The following YLPM1 variants were observed in gnomAD, a reference collection of about 807,000 sequenced individuals.
YLPM1 encodes YLP motif containing 1, also known as YLP motif-containing protein 1.
A neutral mutation model predicts 230.0 loss-of-function variants in YLPM1; 99 were observed. The observed-to-expected ratio is 0.43, with a 90% CI of 0.37 to 0.51. The LOEUF is 0.51. Among genes scored for constraint, YLPM1 ranks in the 20% least tolerant of loss-of-function variants. YLPM1 has a pLI of 0.00. For missense variants in YLPM1, 2,592 were observed against 2,707.7 expected, an observed-to-expected ratio of 0.96 and a Z score of 0.95; for synonymous variants, 984 against 942.5, an observed-to-expected ratio of 1.04 and a Z score of -0.81.
chr14:74,779,040 C>T (rs1190766836), intron 2 of YLPM1, among the ~76,000 whole-genome samples: 2 of 152,080 alleles, frequency 1.3e-5, no homozygotes, highest in East Asian at 3.8e-4. Context: ...TGGGGTTTCA[C>T]CATGTTGGCC....
At chr14:74,765,092 T>C (rs561962763) in intron 1 of YLPM1, among the ~76,000 whole-genome samples, 1 of 151,918 alleles carries the variant, frequency 6.6e-6, no homozygotes, top group African/African-American at 2.4e-5. Context: ...CCTTGCAATT[T>C]GGCCAACGTA....
Position 74,782,084 on chromosome 14 carries a change from C to G in YLPM1, c.2041C>G (p.Pro681Ala), listed in dbSNP as rs1457040000. The G allele has an allele frequency of 1.2e-6, 2 of 1,613,998 alleles. No individual in the cohort carries two copies. Among genetic ancestry groups the G allele is most frequent in the Non-Finnish European group, 1.7e-6 (2 of 1,179,896 alleles). Residue 681 changes from proline (P) to alanine (A), a missense_variant, in exon 4 of 21, where the codon CCA becomes GCA. By Grantham distance (27) the Pro-to-Ala change is conservative (BLOSUM62 -1). Transcript: ENST00000325680. ...LPTPVSFGSA[P>A]PTTYHPPLQS... is the part of the protein sequence containing the mutation. ...TACTCCTGTGTCTTTTGGTTCTGCC[C>G]CACCGACAACTTACCATCCTCCGTT...
chr14:74,833,588 T>C (rs2091623489), intron 19 of YLPM1, among the ~76,000 whole-genome samples: 1 of 152,340 alleles, frequency 6.6e-6, no homozygotes, highest in African/African-American at 2.4e-5. Context: ...TACTTCAGCA[T>C]TGATGAGCAG....
At chr14:74,833,580 C>T (rs980339861) in intron 19 of YLPM1, among the ~76,000 whole-genome samples, 2 of 152,162 alleles carry the variant, frequency 1.3e-5, no homozygotes, top group Admixed American at 6.5e-5. Flanking sequence ...AAAATAGGTA[C>T]TTCAGCATTG....
At chr14:74,769,564 G>A (rs1367379406) in intron 1 of YLPM1, among the ~76,000 whole-genome samples, 2 of 151,604 alleles carry the variant, frequency 1.3e-5, no homozygotes, top group African/African-American at 4.9e-5. Flanking sequence ...TGGGGTTACA[G>A]GTGTGAGTCA....
intron 1 of YLPM1, among the ~76,000 whole-genome samples, chr14:74,774,340 C>T (rs1354136662): frequency 1.3e-5 from 2 of 152,178 alleles, no homozygotes; most frequent in Admixed American, 6.5e-5. Flanking sequence ...TCAAGCGAGT[C>T]TCCCGTCTCA....
intron 4 of YLPM1, among the ~76,000 whole-genome samples, chr14:74,795,098 T>G (rs2091246663): frequency 6.6e-6 from 1 of 152,234 alleles, no homozygotes; most frequent in Non-Finnish European, 1.5e-5. Context: ...TACTAAGAGA[T>G]GTCCTAGAGG....
At position 74,799,281 on chromosome 14, in the gene YLPM1, T is replaced by TCCATCTCTTCCACCTTTACCGCCCCTC. The variant is rs2091299758; in HGVS notation, c.3988_4014dup (p.Ser1330_Pro1338dup). 1 of 1,613,860 alleles carries TCCATCTCTTCCACCTTTACCGCCCCTC rather than the reference T, an allele frequency of 6.2e-7. No homozygotes were observed. Among genetic ancestry groups the TCCATCTCTTCCACCTTTACCGCCCCTC allele is most frequent in the African/African-American group, 1.3e-5 (1 of 74,910 alleles). ...AATCACAGTTTCGTGAACGGGATAT[T>TCCATCTCTTCCACCTTTACCGCCCCTC]CCATCTCTTCCACCTTTACCGCCCC... On this transcript the variant is annotated inframe_insertion, in exon 5 of 21. Coordinates refer to ENST00000325680, the MANE Select transcript of YLPM1 (RefSeq NM_019589.3).
At position 74,778,521 on chromosome 14, in the gene YLPM1, CA is replaced by C; in HGVS notation, c.953del (p.Lys318ArgfsTer5). ...GGACAAAAGTTCATTTGCCAGGACA[CA>C]AAAAGGGTCCTGTGGTAGCAAAGGA... Reference protein sequence around the residue: ...QRTKVHLPGHKKGPVVAKDTP... With the variant: ...QRTKVHLPGHXKGPVVAKDTP... On this transcript the variant is annotated frameshift_variant, in exon 2 of 21. Coordinates refer to ENST00000325680, the MANE Select transcript of YLPM1 (RefSeq NM_019589.3). LOFTEE classifies it high-confidence loss of function. 1.2e-6 allele frequency: 2 copies of C among 1,607,868 alleles called. No individual in the cohort carries two copies. The highest frequency in any genetic ancestry group is 8.5e-7 in the Non-Finnish European group (1 of 1,177,150).
At chr14:74,765,471 G>A (rs1004046391) in intron 1 of YLPM1, among the ~76,000 whole-genome samples, 2 of 152,052 alleles carry the variant, frequency 1.3e-5, no homozygotes, top group Non-Finnish European at 2.9e-5. Flanking sequence ...AAAACACTTG[G>A]GATGCTGAAA....
intron 4 of YLPM1, among the ~76,000 whole-genome samples, chr14:74,787,666 A>G (rs991527415): frequency 3.3e-5 from 5 of 152,174 alleles, no homozygotes; most frequent in South Asian, 2.1e-4. Flanking sequence ...TTTAGGTCCA[A>G]TGGACCCTTT....
chr14:74,778,323 C>G, intron 1 of YLPM1, 124 bp from the exon 2 acceptor site: 1 of 808,012 alleles, frequency 1.2e-6, no homozygotes, highest in Non-Finnish European at 1.9e-6. Flanking sequence ...CTTCCTCAGT[C>G]TAGCTTTGCC....
rs1566732435 is a variant in YLPM1 at position 74,763,857 on chromosome 14, A to G, written c.368A>G (p.Tyr123Cys). Residue 123 changes from tyrosine (Y) to cysteine (C), a missense_variant, in exon 1 of 21, where the codon TAC (tyrosine) becomes TGC (cysteine). Coordinates refer to ENST00000325680, the MANE Select transcript of YLPM1 (RefSeq NM_019589.3). Reference sequence around the variant, plus strand: ...CTCAGCTATCAGAAGCAGCAGCAGTACAAACACCAGATGCTCCACCACCAA... The same window carrying G: ...CTCAGCTATCAGAAGCAGCAGCAGTGCAAACACCAGATGCTCCACCACCAA... ...PALSYQKQQQ[Y>C]KHQMLHHQRD... is the part of the protein sequence containing the mutation. 3.3e-6 allele frequency: 5 copies of G among 1,533,886 alleles called. No homozygotes were observed. Among genetic ancestry groups the G allele is most frequent in the Non-Finnish European group, 4.4e-6 (5 of 1,141,608 alleles).
Position 74,797,819 on chromosome 14 carries a change from A to G in YLPM1, c.2522A>G (p.Lys841Arg), listed in dbSNP as rs753505727. 3.1e-6 allele frequency: 5 copies of G among 1,613,960 alleles called. No homozygotes were observed. Among genetic ancestry groups the G allele is most frequent in the East Asian group, 4.5e-5 (2 of 44,874 alleles). The change falls in exon 5 of 21, where the codon AAA becomes AGA. Residue 841 changes from lysine (K) to arginine (R), a missense_variant. Transcript: ENST00000325680. ...AGTGGACCACAGTGGAAAGGCCCCA[A>G]ACCAGCTTTTGGACAGCAGCATCAG... Reference protein sequence around the residue: ...RQSGPQWKGPKPAFGQQHQQQ... With the variant: ...RQSGPQWKGPRPAFGQQHQQQ...
At chr14:74,774,369 A>AT in intron 1 of YLPM1, among the ~76,000 whole-genome samples, 1 of 152,164 alleles carries the variant, frequency 6.6e-6, no homozygotes, top group East Asian at 1.9e-4. Flanking sequence ...AGTAGCTGGG[A>AT]TTACAGGCAC....
In YLPM1 at chr14:74,764,172, C is replaced by G; in HGVS notation, c.683C>G (p.Ser228Cys). 6.2e-7 allele frequency: 1 copy of G among 1,613,674 alleles called. No homozygotes were observed. Among genetic ancestry groups the G allele is most frequent in the Non-Finnish European group, 8.5e-7 (1 of 1,179,840 alleles). Residue 228 changes from serine to cysteine, a missense_variant, in exon 1 of 21, where the codon TCT becomes TGT. By Grantham distance (112) the Ser-to-Cys change is moderately radical (BLOSUM62 -1). Coordinates refer to ENST00000325680, the MANE Select transcript of YLPM1 (RefSeq NM_019589.3). ...LSHSQSYLPS[S>C]QASPSRPSQG... ...CATTCCCAGTCCTACTTGCCCTCTTCTCAGGCATCTCCTTCCCGCCCCTCC... is the reference window on the plus strand; with the variant it reads ...CATTCCCAGTCCTACTTGCCCTCTTGTCAGGCATCTCCTTCCCGCCCCTCC...
chr14:74,795,562 C>T (rs571978945), intron 4 of YLPM1, among the ~76,000 whole-genome samples: 25 of 152,254 alleles, frequency 1.6e-4, no homozygotes, highest in Admixed American at 9.2e-4. Flanking sequence ...TGACAAAATC[C>T]TATCAATTCT....
chr14:74,816,396 T>C, intron 12 of YLPM1, 131 bp downstream of exon 12: 1 of 1,249,816 alleles, frequency 8.0e-7, no homozygotes, highest in Non-Finnish European at 1.1e-6. Context: ...AGTTGGCCCA[T>C]GTGGTAGATG....
chr14:74,782,429 ACT>A (rs2091105107), intron 4 of YLPM1, 104 bp downstream of exon 4: 2 of 1,307,406 alleles, frequency 1.5e-6, no homozygotes, highest in African/African-American at 1.5e-5. Flanking sequence ...CAATGTTTAT[ACT>A]CTCTTTGTAC....
Sources: allele counts gnomAD v4.1 joint callset (sites outside exome capture counted in the v4.1 genomes callset), GRCh38; gene constraint gnomAD v4.1.1; transcripts MANE v1.5; gene names NCBI Gene and HGNC (gene_info 2026-07-23, HGNC 2026-07-21).